C12orf42: variants seen among roughly 807,000 people sequenced by gnomAD.
C12orf42 encodes chromosome 12 open reading frame 42, also known as uncharacterized protein C12orf42.
A neutral mutation model predicts 21.6 loss-of-function variants in C12orf42; 25 were observed. That is an observed-to-expected ratio of 1.16 (90% CI 0.84 to 1.62). The LOEUF (loss-of-function observed/expected upper bound fraction) is 1.62, where lower values mean the gene tolerates loss of function less well. Ranked by LOEUF, C12orf42 falls within the 40% of genes most tolerant of loss-of-function variation. The probability of loss-of-function intolerance (pLI) is 0.00; values close to 1 mark genes in which losing one functional copy is unlikely to be tolerated. For missense variants in C12orf42, 483 were observed against 459.3 expected (o/e 1.05, Z -0.47); for synonymous variants, 174 against 175.0 (o/e 0.99, Z 0.05).
the C12orf42 span, among the ~76,000 whole-genome samples, chr12:103,509,138 G>A: frequency 6.6e-6 from 1 of 152,164 alleles, no homozygotes; most frequent in Non-Finnish European, 1.5e-5. Flanking sequence ...CTTGTAAAGT[G>A]TTCAGTATAG....
At chr12:103,229,395 CA>C in the C12orf42 span, among the ~76,000 whole-genome samples, 1 of 152,066 alleles carries the variant, frequency 6.6e-6, no homozygotes, top group Non-Finnish European at 1.5e-5. Flanking sequence ...CTCAGCGATT[CA>C]AAAACACAAA....
At chr12:103,218,033 G>A in the C12orf42 span, among the ~76,000 whole-genome samples, 3 of 152,168 alleles carry the variant, frequency 2.0e-5, no homozygotes, top group African/African-American at 7.2e-5. Context: ...TGTAATCCCA[G>A]CATTTTGGGA....
intron 4 of C12orf42, among the ~76,000 whole-genome samples, chr12:103,368,656 A>C (rs7969944): frequency 0.16 from 24,409 of 152,076 alleles, 2,804 homozygotes; most frequent in African/African-American, 0.33. Flanking sequence ...CGGGGAAATT[A>C]ATAAAATGAA....
chr12:103,221,720 A>G, the C12orf42 span, among the ~76,000 whole-genome samples: 1 of 152,302 alleles, frequency 6.6e-6, no homozygotes, highest in South Asian at 2.1e-4. Context: ...ATGGCCGTGG[A>G]CAAACCCATC....
chr12:103,279,809 G>T (rs182203775), intron 4 of C12orf42, among the ~76,000 whole-genome samples: 143 of 152,250 alleles, frequency 9.4e-4, no homozygotes, highest in Non-Finnish European at 1.6e-3. Context: ...GTTGAAAGAT[G>T]GGACACCATG....
At chr12:103,496,738 C>T (rs973231161), upstream of C12orf42, among the ~76,000 whole-genome samples, 3 of 150,914 alleles carry the variant, frequency 2.0e-5, no homozygotes, top group Non-Finnish European at 4.4e-5. Flanking sequence ...AGAAAGTGGA[C>T]ATTCACACCT....
intron 2 of C12orf42, among the ~76,000 whole-genome samples, chr12:103,417,861 T>A (rs1446322807): frequency 6.6e-6 from 1 of 152,180 alleles, no homozygotes; most frequent in Non-Finnish European, 1.5e-5. Flanking sequence ...CAGGAGTCAA[T>A]GGTTAGATTA....
At chr12:103,208,008 A>C in the C12orf42 span, among the ~76,000 whole-genome samples, 1 of 152,196 alleles carries the variant, frequency 6.6e-6, no homozygotes, top group Non-Finnish European at 1.5e-5. Context: ...CCAGAATGGA[A>C]AAGCTTTTGT....
the C12orf42 span, among the ~76,000 whole-genome samples, chr12:103,146,604 G>GAAA: frequency 6.7e-6 from 1 of 149,648 alleles, no homozygotes; most frequent in African/African-American, 2.5e-5. Flanking sequence ...AAGAAAGAAA[G>GAAA]AAAGAAAAAG....
the C12orf42 span, among the ~76,000 whole-genome samples, chr12:103,559,974 AG>A: frequency 1.3e-4 from 20 of 152,340 alleles, no homozygotes; most frequent in African/African-American, 3.6e-4. Context: ...TTAAAGCACT[AG>A]GGGGAAAAAT....
At chr12:103,122,945 TAAG>T in the C12orf42 span, among the ~76,000 whole-genome samples, 1 of 152,104 alleles carries the variant, frequency 6.6e-6, no homozygotes, top group African/African-American at 2.4e-5. Flanking sequence ...GGATACTAGT[TAAG>T]AAGCTGCTAC....
At chr12:103,352,669 C>T (rs1158467798) in intron 4 of C12orf42, among the ~76,000 whole-genome samples, 1 of 152,046 alleles carries the variant, frequency 6.6e-6, no homozygotes, top group Non-Finnish European at 1.5e-5. Flanking sequence ...ATTAAACAGG[C>T]TTAAACAAAC....
At chr12:103,113,205 C>T in the C12orf42 span, among the ~76,000 whole-genome samples, 1 of 152,114 alleles carries the variant, frequency 6.6e-6, no homozygotes, top group African/African-American at 2.4e-5. Flanking sequence ...TCTAGCCTCT[C>T]TTCCTGTTTC....
At chr12:103,510,382 T>C in the C12orf42 span, among the ~76,000 whole-genome samples, 14 of 152,190 alleles carry the variant, frequency 9.2e-5, 1 homozygote, top group Admixed American at 2.6e-4. Flanking sequence ...GAGTGAGGGA[T>C]AAAAGACTAC....
rs189904922 is a variant in C12orf42 at position 103,424,712 on chromosome 12, G to A, written c.79-23037C>T. Among the ~76,000 whole-genome samples the A allele has an allele frequency of 3.9e-5, 6 of 152,310 alleles. No individual in the cohort carries two copies. In the East Asian group the frequency reaches 1.2e-3, roughly 29 times the overall value. On this transcript the variant is annotated intron_variant, in intron 2 of 5. Transcript: ENST00000548883. ...TCCCTCGGGTACCTACACTACCAGGGCCCTGGGTTTCAAGCACAAACTGGG... is the reference window on the plus strand; with the variant it reads ...TCCCTCGGGTACCTACACTACCAGGACCCTGGGTTTCAAGCACAAACTGGG...
chr12:103,517,265 T>C, the C12orf42 span, among the ~76,000 whole-genome samples: 15,156 of 152,254 alleles, frequency 0.1, 985 homozygotes, highest in South Asian at 0.27. Context: ...GCAGACAAGT[T>C]GCTTTTTCTA....
At chr12:103,278,406 G>A (rs1156700474) in intron 4 of C12orf42, among the ~76,000 whole-genome samples, 2 of 152,208 alleles carry the variant, frequency 1.3e-5, no homozygotes, top group Non-Finnish European at 2.9e-5. Flanking sequence ...GCCCAAGAGT[G>A]TAATATTGCA....
At chr12:103,181,402 C>T in the C12orf42 span, among the ~76,000 whole-genome samples, 4 of 152,048 alleles carry the variant, frequency 2.6e-5, no homozygotes, top group African/African-American at 9.7e-5. Context: ...ATAAGCATAC[C>T]ATAAATGGAA....
rs150707715 is a variant in C12orf42 at position 103,318,719 on chromosome 12, G to C, written c.260-12374C>G. Reference sequence around the variant, plus strand: ...CTGCCCCGTGTATTCTAACCAGCTGGTGAATAGTGACATAGCCCTGGAGGA... The same window carrying C: ...CTGCCCCGTGTATTCTAACCAGCTGCTGAATAGTGACATAGCCCTGGAGGA... On this transcript the variant is annotated intron_variant, in intron 4 of 5. Coordinates refer to ENST00000548883, the MANE Select transcript of C12orf42 (RefSeq NM_198521.5). 2.8e-3 allele frequency among the ~76,000 whole-genome samples: 426 copies of C among 152,236 alleles called. 3 individuals carry two copies. Among genetic ancestry groups the C allele is most frequent in the Middle Eastern group, 3.4e-3 (1 of 294 alleles).
Sources: allele counts gnomAD v4.1 joint callset (sites outside exome capture counted in the v4.1 genomes callset), GRCh38; gene constraint gnomAD v4.1.1; transcripts MANE v1.5; gene names NCBI Gene and HGNC (gene_info 2026-07-23, HGNC 2026-07-21).